Variants in ROBO1 observed in about 807,000 individuals in gnomAD.
The protein encoded by ROBO1 is roundabout guidance receptor 1, also known as roundabout homolog 1.
In ROBO1, 149 loss-of-function variants were observed where a neutral mutation model predicts 195.9. The ratio of observed to expected loss-of-function variants is 0.76; its 90% CI spans 0.67 to 0.87. ROBO1 has a LOEUF of 0.87. Among genes scored for constraint, ROBO1 ranks in the 40% least tolerant of loss-of-function variants. The pLI is 0.00. For missense variants in ROBO1, 1,933 were observed against 2,068.3 expected, an observed-to-expected ratio of 0.93 and a Z score of 1.27; for synonymous variants, 816 against 733.2, an observed-to-expected ratio of 1.11 and a Z score of -1.82.
intron 2 of ROBO1, among the ~76,000 whole-genome samples, chr3:79,166,811 G>A (rs761131973): frequency 1.3e-5 from 2 of 151,936 alleles, no homozygotes; most frequent in East Asian, 1.9e-4. Context: ...TCGTTGATCC[G>A]CTATTTTTCT....
At chr3:78,856,722 GAA>G (rs1413288315) in intron 4 of ROBO1, among the ~76,000 whole-genome samples, 3 of 150,886 alleles carry the variant, frequency 2.0e-5, no homozygotes, top group Non-Finnish European at 3.0e-5. Flanking sequence ...CATAATGAAA[GAA>G]AAAAGTGTTT....
intron 3 of ROBO1, among the ~76,000 whole-genome samples, chr3:79,077,976 C>A: frequency 6.6e-6 from 1 of 151,582 alleles, no homozygotes; most frequent in East Asian, 1.9e-4. Flanking sequence ...GATGAACTTG[C>A]GTTGTAAATA....
At position 79,484,816 on chromosome 3, in the gene ROBO1, T is replaced by C. The variant is rs529665862; in HGVS notation, c.88+105008A>G. On this transcript the variant is annotated intron_variant, in intron 2 of 30. Transcript: ENST00000464233. ...GTCACCAGGCCAGAGTGCAGTGGCA[T>C]GATCTCGGCTCACTGCAAGCTCTAT... is the stretch of plus-strand genomic sequence containing the variant. Among the ~76,000 whole-genome samples the C allele has an allele frequency of 3.8e-5, 5 of 131,162 alleles. No homozygotes were observed. The South Asian group carries it at 1.3e-3, about 35-fold the overall frequency. The allele number at this position is 131,162 out of a possible 152,430, so 86.0% of individuals were successfully genotyped here. A position where few individuals can be genotyped will look rare whatever the true frequency, so the allele number is the denominator to read the frequency against.
At chr3:78,977,595 A>G (rs1465094504) in intron 3 of ROBO1, among the ~76,000 whole-genome samples, 5 of 150,480 alleles carry the variant, frequency 3.3e-5, no homozygotes, top group Non-Finnish European at 7.4e-5. Context: ...CAGTCAATAT[A>G]TATATAATAT....
intron 2 of ROBO1, among the ~76,000 whole-genome samples, chr3:79,230,099 A>C (rs1163635043): frequency 1.3e-5 from 2 of 152,134 alleles, no homozygotes; most frequent in East Asian, 3.9e-4. Flanking sequence ...TGGCATGTTC[A>C]TTTTCCCACT....
At chr3:79,023,821 A>T (rs948465387) in intron 3 of ROBO1, among the ~76,000 whole-genome samples, 2 of 146,110 alleles carry the variant, frequency 1.4e-5, no homozygotes, top group Non-Finnish European at 3.0e-5. Flanking sequence ...TCCTTGCCTC[A>T]TTCTCCCAGG....
intron 2 of ROBO1, among the ~76,000 whole-genome samples, chr3:79,557,200 A>G (rs1942734180): frequency 6.6e-6 from 1 of 152,012 alleles, no homozygotes; most frequent in Non-Finnish European, 1.5e-5. Flanking sequence ...GCCTGTCTCG[A>G]TACCCATTAT....
rs559606740 is a variant in ROBO1, at chr3:79,127,080, GCCTCT to G, written c.89-1546_89-1542del. 3.6e-3 allele frequency among the ~76,000 whole-genome samples: 543 copies of G among 151,236 alleles called. 6 individuals are homozygous for G. The highest frequency in any genetic ancestry group is 2.8e-3 in the Non-Finnish European group (192 of 67,932). On this transcript the variant is annotated intron_variant, in intron 2 of 30. Transcript: ENST00000464233. ...ACTCATTCTTGCTTTATTCATCCTTGCCTCTCTAGTGATGGCTGTTGTCATTTTAC... is the reference window on the plus strand; with the variant it reads ...ACTCATTCTTGCTTTATTCATCCTTGCTAGTGATGGCTGTTGTCATTTTAC...
intron 1 of ROBO1, among the ~76,000 whole-genome samples, chr3:79,614,208 A>T (rs982597403): frequency 6.6e-6 from 1 of 152,104 alleles, no homozygotes; most frequent in African/African-American, 2.4e-5. Context: ...ATTATTTTCA[A>T]CTACACATGA....
At chr3:79,389,160 T>G (rs1039158304) in intron 2 of ROBO1, among the ~76,000 whole-genome samples, 1 of 152,016 alleles carries the variant, frequency 6.6e-6, no homozygotes, top group African/African-American at 2.4e-5. Context: ...TTAAAAATAA[T>G]GCTCAATAAA....
At chr3:78,620,938 A>G (rs1342645564) in intron 26 of ROBO1, among the ~76,000 whole-genome samples, 1 of 150,858 alleles carries the variant, frequency 6.6e-6, no homozygotes, top group Non-Finnish European at 1.5e-5. Context: ...TATGTGCCAT[A>G]TACAGATGTA....
intron 4 of ROBO1, among the ~76,000 whole-genome samples, chr3:78,885,069 T>C (rs941277437): frequency 6.6e-6 from 1 of 152,008 alleles, no homozygotes; most frequent in Non-Finnish European, 1.5e-5. Context: ...ATTCTCACTA[T>C]GCAGCCATAA....
At chr3:79,577,745 C>G (rs1943536839) in intron 2 of ROBO1, among the ~76,000 whole-genome samples, 1 of 150,630 alleles carries the variant, frequency 6.6e-6, no homozygotes. Context: ...CACACACACA[C>G]ACACACACAC....
At chr3:79,063,821 T>A (rs919635787) in intron 3 of ROBO1, among the ~76,000 whole-genome samples, 1 of 150,674 alleles carries the variant, frequency 6.6e-6, no homozygotes, top group African/African-American at 2.4e-5. Flanking sequence ...GAAAAAAAAA[T>A]GAAAACTTTT....
At chr3:78,760,171 C>G (rs1206594344) in intron 4 of ROBO1, among the ~76,000 whole-genome samples, 1 of 152,158 alleles carries the variant, frequency 6.6e-6, no homozygotes, top group East Asian at 1.9e-4. Context: ...CACCTTCCGC[C>G]ATGATTGTGA....
rs1303205350 is a variant in ROBO1, at chr3:79,760,514, T to C, written c.-51+7238A>G. ...TGCAATACCAAAAAAAAAAAAAAAA[T>C]AGAATCCAGGATATATAAAGAATTT... On this transcript the variant is annotated intron_variant, in intron 1 of 30. Transcript: ENST00000464233. 4.9e-5 allele frequency among the ~76,000 whole-genome samples: 4 copies of C among 81,976 alleles called. 1 individual carries two copies. The East Asian group carries it at 1.3e-3, about 27-fold the overall frequency. 53.8% of individuals were successfully genotyped at this position (81,976 alleles called of 152,430 possible). A position where few individuals can be genotyped will look rare whatever the true frequency, so the allele number is the denominator to read the frequency against.
chr3:78,599,595 A>G (rs1703048875), intron 30 of ROBO1, among the ~76,000 whole-genome samples: 1 of 151,870 alleles, frequency 6.6e-6, no homozygotes, highest in Non-Finnish European at 1.5e-5. Context: ...AAGGCTAACA[A>G]GAGAGTATAT....
intron 4 of ROBO1, among the ~76,000 whole-genome samples, chr3:78,772,775 A>T (rs1237664307): frequency 6.6e-6 from 1 of 152,042 alleles, no homozygotes; most frequent in Non-Finnish European, 1.5e-5. Context: ...TTGTATTAAG[A>T]ATTGAATCTC....
intron 1 of ROBO1, among the ~76,000 whole-genome samples, chr3:79,634,568 C>G (rs1211802998): frequency 6.6e-6 from 1 of 152,114 alleles, no homozygotes; most frequent in African/African-American, 2.4e-5. Context: ...TTTTAATAAT[C>G]TCTTCATGAT....
Sources: gnomAD v4.1 joint callset for allele counts (sites outside exome capture counted in the v4.1 genomes callset) on GRCh38, gnomAD v4.1.1 for gene constraint, MANE v1.5 for transcripts, NCBI Gene and HGNC (gene_info 2026-07-23, HGNC 2026-07-21) for gene names.